GPM6A: variants seen among roughly 807,000 people sequenced by gnomAD.
The protein encoded by GPM6A is neuronal membrane glycoprotein M6-a.
A neutral mutation model predicts 32.1 loss-of-function variants in GPM6A; 7 were observed. That is an observed-to-expected ratio of 0.22 (90% CI 0.12 to 0.41). The LOEUF (loss-of-function observed/expected upper bound fraction) is 0.41, where lower values mean the gene tolerates loss of function less well. GPM6A is among the 10% of genes least tolerant of loss of function. The probability of loss-of-function intolerance (pLI) is 1.00; values close to 1 mark genes in which losing one functional copy is unlikely to be tolerated. For missense variants in GPM6A, 235 were observed against 347.2 expected (o/e 0.68, Z 2.57); for synonymous variants, 130 against 123.4 (o/e 1.05, Z -0.35).
intron 1 of GPM6A, among the ~76,000 whole-genome samples, chr4:175,945,413 A>G (rs1311678365): frequency 6.6e-6 from 1 of 152,148 alleles, no homozygotes; most frequent in African/African-American, 2.4e-5. Flanking sequence ...TGAAACAGAA[A>G]TAAATACCAC....
intron 1 of GPM6A, among the ~76,000 whole-genome samples, chr4:175,792,961 T>C (rs1353883893): frequency 2.0e-5 from 3 of 152,154 alleles, no homozygotes; most frequent in African/African-American, 4.8e-5. Context: ...GGCAGATCAC[T>C]TAAGGCCAGG....
intron 1 of GPM6A, among the ~76,000 whole-genome samples, chr4:175,879,908 C>T (rs1186227061): frequency 1.3e-5 from 2 of 152,130 alleles, no homozygotes; most frequent in Admixed American, 1.3e-4. Context: ...AGAATCAACA[C>T]ATAATTTGCA....
intron 2 of GPM6A, among the ~76,000 whole-genome samples, chr4:175,694,091 CA>C (rs1419569433): frequency 6.6e-6 from 1 of 152,108 alleles, no homozygotes; most frequent in African/African-American, 2.4e-5. Context: ...AAGCAGATGC[CA>C]GCATCATGCT....
At chr4:175,762,703 C>A (rs577527171) in intron 1 of GPM6A, among the ~76,000 whole-genome samples, 1 of 152,024 alleles carries the variant, frequency 6.6e-6, no homozygotes, top group South Asian at 2.1e-4. Context: ...AGAACATATG[C>A]GCATCTGTGC....
intron 1 of GPM6A, among the ~76,000 whole-genome samples, chr4:175,751,137 A>G (rs1389342201): frequency 6.6e-6 from 1 of 152,188 alleles, no homozygotes; most frequent in Non-Finnish European, 1.5e-5. Context: ...GAATACACTA[A>G]CAAAAATTCA....
At chr4:175,917,286 T>A (rs76058903) in intron 1 of GPM6A, among the ~76,000 whole-genome samples, 5,777 of 152,086 alleles carry the variant, frequency 0.038, 225 homozygotes, top group South Asian at 0.2. Flanking sequence ...TCTTTAAGCA[T>A]CCTGAAATTT....
At chr4:175,932,220 T>C (rs529027590) in intron 1 of GPM6A, among the ~76,000 whole-genome samples, 232 of 152,174 alleles carry the variant, frequency 1.5e-3, no homozygotes, top group Non-Finnish European at 1.1e-3. Flanking sequence ...AGTACTATAG[T>C]ATTAGGAGAC....
At chr4:175,680,943 T>C (rs1743651538) in intron 2 of GPM6A, among the ~76,000 whole-genome samples, 1 of 152,228 alleles carries the variant, frequency 6.6e-6, no homozygotes, top group African/African-American at 2.4e-5. Flanking sequence ...ATTGTTCTCA[T>C]TCTTTTTAAC....
chr4:175,961,835 A>T (rs1219932747), intron 1 of GPM6A, among the ~76,000 whole-genome samples: 1 of 152,054 alleles, frequency 6.6e-6, no homozygotes, highest in Non-Finnish European at 1.5e-5. Flanking sequence ...ATTTCAGCCC[A>T]CTCTAGCCTT....
chr4:175,652,758 G>T (rs768727419), intron 3 of GPM6A, among the ~76,000 whole-genome samples: 1 of 152,086 alleles, frequency 6.6e-6, no homozygotes, highest in East Asian at 1.9e-4. Context: ...CATGGTAAAT[G>T]CTGGATAAAA....
chr4:175,767,542 A>G (rs962850257), intron 1 of GPM6A, among the ~76,000 whole-genome samples: 9 of 152,242 alleles, frequency 5.9e-5, no homozygotes, highest in African/African-American at 2.2e-4. Context: ...TTTAGAAAAC[A>G]GATTTTTTTA....
intron 1 of GPM6A, among the ~76,000 whole-genome samples, chr4:175,802,640 C>A (rs529625883): frequency 3.2e-4 from 48 of 152,164 alleles, no homozygotes; most frequent in Middle Eastern, 3.4e-3. Flanking sequence ...TGATTTCAAA[C>A]TGTTATTTCT....
chr4:175,928,344 G>C (rs2111538983), intron 1 of GPM6A, among the ~76,000 whole-genome samples: 1 of 152,322 alleles, frequency 6.6e-6, no homozygotes, highest in African/African-American at 2.4e-5. Flanking sequence ...AATTTCCTAT[G>C]TGGGAAAAGC....
chr4:175,828,852 T>C (rs1735517939), intron 1 of GPM6A, among the ~76,000 whole-genome samples: 1 of 149,664 alleles, frequency 6.7e-6, no homozygotes, highest in Non-Finnish European at 1.5e-5. Flanking sequence ...TTTACATAAA[T>C]AGAAAGACTG....
At chr4:175,851,916 CA>C (rs80115348) in intron 1 of GPM6A, among the ~76,000 whole-genome samples, 48,108 of 151,296 alleles carry the variant, frequency 0.32, 7,629 homozygotes, top group East Asian at 0.36. Flanking sequence ...CCTTAAGAAA[CA>C]AAAAAAAGAG....
intron 1 of GPM6A, among the ~76,000 whole-genome samples, chr4:175,835,523 A>G (rs1735737702): frequency 6.6e-6 from 1 of 151,032 alleles, no homozygotes; most frequent in Admixed American, 6.6e-5. Context: ...TCTGTCCTCC[A>G]TTTCTAACCA....
chr4:175,910,375 G>C (rs1560989895), intron 1 of GPM6A, among the ~76,000 whole-genome samples: 1 of 152,080 alleles, frequency 6.6e-6, no homozygotes, highest in African/African-American at 2.4e-5. Flanking sequence ...TTTGAAGCTG[G>C]GCAGGGGTGC....
Position 175,768,093 on chromosome 4 carries a change from G to A in GPM6A, c.37+44098C>T, listed in dbSNP as rs148339665. ...TGGAACTTCTATTAAGAACAATATG[G>A]TTCATGTTTATCTAGAAAGGGGAAG... On this transcript the variant is annotated intron_variant, in intron 1 of 6. Transcript: ENST00000393658. Among the ~76,000 whole-genome samples the A allele has an allele frequency of 6.7e-3, 1,026 of 152,226 alleles. 8 individuals are homozygous for A. Among genetic ancestry groups the A allele is most frequent in the Non-Finnish European group, 9.1e-3 (618 of 68,008 alleles).
At chr4:175,845,031 C>G (rs1169832351) in intron 1 of GPM6A, among the ~76,000 whole-genome samples, 1 of 152,072 alleles carries the variant, frequency 6.6e-6, no homozygotes, top group Non-Finnish European at 1.5e-5. Context: ...ATTCAGCTCT[C>G]TTCTTTTTCT....
Sources: allele counts gnomAD v4.1 joint callset (sites outside exome capture counted in the v4.1 genomes callset), GRCh38; gene constraint gnomAD v4.1.1; transcripts MANE v1.5; gene names NCBI Gene and HGNC (gene_info 2026-07-23, HGNC 2026-07-21).